The following NES variants were observed in gnomAD, a reference collection of about 807,000 sequenced individuals.
The protein encoded by NES is nestin.
Under a neutral mutation model 35.6 loss-of-function variants are expected in NES, and 27 were observed. The ratio of observed to expected loss-of-function variants is 0.76; its 90% CI spans 0.56 to 1.04. NES has a LOEUF of 1.04. NES is among the 50% of genes least tolerant of loss of function. The pLI, the probability that NES is intolerant of heterozygous loss-of-function variation, is 0.00. For synonymous variants in NES, 822 were observed against 824.2 expected (o/e 1.00, Z 0.04); for missense variants, 1,867 against 1,983.6 (o/e 0.94, Z 1.12).
In NES at chr1:156,670,138, C is replaced by T; in HGVS notation, c.4050G>A (p.Glu1350=). 1 of 1,614,070 alleles carries T rather than the reference C, an allele frequency of 6.2e-7. No individual in the cohort carries two copies. Residue 1350 remains glutamate, a synonymous_variant, in exon 4 of 4, where the codon GAG becomes GAA. Transcript: ENST00000368223. Reference sequence around the variant, plus strand: ...ACTCCTCTTCTCCCTCCTCCCCCTCCTCCTTTTCTGAGGGTGGGGCCTCAA... The same window carrying T: ...ACTCCTCTTCTCCCTCCTCCCCCTCTTCCTTTTCTGAGGGTGGGGCCTCAA... ...EGLEAPPSEK[E]EGEEGEEECG... is the part of the protein sequence containing the mutation.
At position 156,671,060 on chromosome 1, in the gene NES, C is replaced by T. The variant is rs1679717083; in HGVS notation, c.3128G>A (p.Gly1043Glu). The change falls in exon 4 of 4, where the codon GGG becomes GAG. Residue 1043 changes from glycine to glutamate, a missense_variant. Physicochemically the swap from Gly to Glu is moderately conservative, Grantham distance 98 (BLOSUM62 -2). Transcript: ENST00000368223. The stretch of plus-strand genomic sequence containing the variant: ...TGGGGCCCCCACCTGTTGTGATTGC[C>T]CTTCAGGGTCCTGGAGGCCCTCAGC... ...GGAEGLQDPEGQSQQVGAPGL... is the reference protein window; with the variant it reads ...GGAEGLQDPEEQSQQVGAPGL... 1 of 1,613,630 alleles carries T rather than the reference C, an allele frequency of 6.2e-7. No homozygotes were observed. The highest frequency in any genetic ancestry group is 8.5e-7 in the Non-Finnish European group (1 of 1,180,014).
chr1:156,669,461 C>T lies in NES; in HGVS notation c.4727G>A (p.Gly1576Glu). 1.9e-6 allele frequency: 3 copies of T among 1,613,604 alleles called. No homozygotes were observed. Among genetic ancestry groups the T allele is most frequent in the Non-Finnish European group, 2.5e-6 (3 of 1,179,750 alleles). ...CCCCTCCTCCTCCTGAAAGGGGCTC[C>T]CTCGGTCTCCCTCAGAGACTAGCGG... ...GMPLVSEGDR[G>E]SPFQEEEGSA... Residue 1576 changes from glycine (G) to glutamate (E), a missense_variant, in exon 4 of 4, where the codon GGG becomes GAG. Gly to Glu is a moderately conservative substitution (Grantham distance 98). Coordinates refer to ENST00000368223, the MANE Select transcript of NES (RefSeq NM_006617.2).
chr1:156,671,451 TTTCC>T lies in NES; in HGVS notation c.2733_2736del (p.Glu912ValfsTer20), dbSNP rs1436030325. 2 of 1,613,904 alleles carry T rather than the reference TTTCC, an allele frequency of 1.2e-6. No homozygotes were observed. Among genetic ancestry groups the T allele is most frequent in the Non-Finnish European group, 1.7e-6 (2 of 1,180,022 alleles). On this transcript the variant is annotated frameshift_variant, in exon 4 of 4. Coordinates refer to ENST00000368223, the MANE Select transcript of NES (RefSeq NM_006617.2). LOFTEE classifies it low-confidence loss of function (END_TRUNC). ...TCTTCCTCTTCCAGATTCCTTTGAC[TTTCC>T]TTGTCTACCTCCTCTGGAGATCTCA...
In NES at chr1:156,676,803, C is replaced by T; in HGVS notation, c.462G>A (p.Gln154=). 2 of 1,413,594 alleles carry T rather than the reference C, an allele frequency of 1.4e-6. No individual in the cohort carries two copies. Among genetic ancestry groups the T allele is most frequent in the South Asian group, 3.1e-5 (2 of 63,792 alleles). 87.6% of individuals were successfully genotyped at this position (1,413,594 alleles called of 1,614,324 possible). Residue 154 remains glutamine, a synonymous_variant, in exon 1 of 4, where the codon CAG becomes CAA. Coordinates refer to ENST00000368223, the MANE Select transcript of NES (RefSeq NM_006617.2). The surrounding 1 kb of genome is among the most constrained non-coding windows in gnomAD (Gnocchi z 5.3). The stretch of plus-strand genomic sequence containing the variant: ...CGGGGCAGCGGGGGGCACAGGCAGC[C>T]TGCGCGTTCAGGCCGACGCGCTCCT... ...HEEERVGLNA[Q]AACAPRCPAP...
chr1:156,673,163 C>T lies in NES; in HGVS notation c.1025G>A (p.Arg342Gln), dbSNP rs200295324. The change falls in exon 4 of 4, where the codon CGG becomes CAG. Residue 342 changes from arginine (R) to glutamine (Q), a missense_variant. Transcript: ENST00000368223. ...ELQFPRTPEG[R>Q]RLGSLLPVLS... ...GACTGGGAGCAAAGATCCAAGACGCCGGCCCTCTGGGGTCCTAGGGAATTG... is the reference window on the plus strand; with the variant it reads ...GACTGGGAGCAAAGATCCAAGACGCTGGCCCTCTGGGGTCCTAGGGAATTG... The T allele has an allele frequency of 3.4e-4, 529 of 1,535,942 alleles. 4 individuals carry two copies. The Admixed American group carries it at 7.6e-3, about 22-fold the overall frequency.
Position 156,677,274 on chromosome 1 carries a change from C to T in NES, c.-10G>A. The T allele has an allele frequency of 1.2e-6, 2 of 1,606,376 alleles. No individual in the cohort carries two copies. Among genetic ancestry groups the T allele is most frequent in the Non-Finnish European group, 1.7e-6 (2 of 1,177,892 alleles). On this transcript the variant is annotated 5_prime_UTR_variant, in exon 1 of 4. Coordinates refer to ENST00000368223, the MANE Select transcript of NES (RefSeq NM_006617.2). This position sits in a 1 kb window ranked among gnomAD's most constrained non-coding sequence, Gnocchi z 4.5. Reference sequence around the variant, plus strand: ...CCATGCAGCCCTCCATCCTGCTCGTCTGACCCACTGAGGATGGACAGACGC... The same window carrying T: ...CCATGCAGCCCTCCATCCTGCTCGTTTGACCCACTGAGGATGGACAGACGC...
intron 1 of NES, 77 bp from the exon 2 acceptor site, chr1:156,675,417 C>A (rs754997463): frequency 2.0e-6 from 3 of 1,494,564 alleles, no homozygotes; most frequent in East Asian, 2.4e-5. Context: ...TGCCCGCTGC[C>A]GCTGCCCGGG....
intron 2 of NES, among the ~76,000 whole-genome samples, chr1:156,674,987 C>T (rs762948934): frequency 7.2e-5 from 11 of 152,128 alleles, no homozygotes; most frequent in South Asian, 2.1e-4. Flanking sequence ...ATCATCTCTC[C>T]TGGGGGGATT....
chr1:156,676,741 A>C lies in NES; in HGVS notation c.524T>G (p.Val175Gly), dbSNP rs560562968. The C allele has an allele frequency of 7.3e-7, 1 of 1,366,622 alleles. No individual in the cohort carries two copies. The highest frequency in any genetic ancestry group is 9.3e-7 in the Non-Finnish European group (1 of 1,070,240). 84.7% of individuals were successfully genotyped at this position (1,366,622 alleles called of 1,614,324 possible). Residue 175 changes from valine to glycine, a missense_variant, in exon 1 of 4, where the codon GTA becomes GGA. By Grantham distance (109) the Val-to-Gly change is moderately radical. Transcript: ENST00000368223. This position sits in a 1 kb window ranked among gnomAD's most constrained non-coding sequence, Gnocchi z 5.3. The part of the protein sequence containing the change: ...PRGPPAPAPE[V>G]EELARRLGEA... ...GCCCAGTCGCCTTGCCAGCTCCTCTACCTCCGGGGCCGGCGCGGGAGGCCC... is the reference window on the plus strand; with the variant it reads ...GCCCAGTCGCCTTGCCAGCTCCTCTCCCTCCGGGGCCGGCGCGGGAGGCCC...
Position 156,671,319 on chromosome 1 carries a change from T to A in NES, c.2869A>T (p.Lys957Ter), listed in dbSNP as rs2102585381. 6.2e-7 allele frequency: 1 copy of A among 1,614,088 alleles called. No individual in the cohort carries two copies. Among genetic ancestry groups the A allele is most frequent in the Non-Finnish European group, 8.5e-7 (1 of 1,180,020 alleles). The change falls in exon 4 of 4, where the codon AAG becomes TAG. Residue 957 changes from lysine (K) to a stop codon, truncating the protein, a stop_gained. Coordinates refer to ENST00000368223, the MANE Select transcript of NES (RefSeq NM_006617.2). LOFTEE classifies it low-confidence loss of function (END_TRUNC). ...DVQRWEDTVE[K>*]DQELAQESPP... is the part of the protein sequence containing the mutation. Reference sequence around the variant, plus strand: ...CTTTCCTGAGCCAGTTCTTGGTCCTTCTCCACCGTATCTTCCCACCTCTGC... The same window carrying A: ...CTTTCCTGAGCCAGTTCTTGGTCCTACTCCACCGTATCTTCCCACCTCTGC...
Position 156,670,510 on chromosome 1 carries a change from G to T in NES, c.3678C>A (p.Thr1226=), listed in dbSNP as rs768688629. 6.3e-7 allele frequency: 1 copy of T among 1,598,540 alleles called. No individual in the cohort carries two copies. Among genetic ancestry groups the T allele is most frequent in the East Asian group, 2.2e-5 (1 of 44,602 alleles). ...GCCCAGGGGCATCTTCCAGGATCGG[G>T]GTGTACGTTGGGCTGGGGGAGACCA... The part of the protein sequence containing the change: ...PVLVSPSPTY[T]PILEDAPGPQ... The change falls in exon 4 of 4, where the codon ACC becomes ACA. Residue 1226 remains threonine (T), a synonymous_variant. Coordinates refer to ENST00000368223, the MANE Select transcript of NES (RefSeq NM_006617.2).
Position 156,671,152 on chromosome 1 carries a change from C to T in NES, c.3036G>A (p.Gly1012=), listed in dbSNP as rs747366809. Residue 1012 remains glycine, a synonymous_variant, in exon 4 of 4, where the codon GGG becomes GGA. Transcript: ENST00000368223. ...CTTTGGGCTCAGGGCTCTCTGGGTG[C>T]CCCTCGCCTGGGATCCAGACCTCCT... ...ATEEVWIPGE[G]HPESPEPKEQ... 1.2e-6 allele frequency: 2 copies of T among 1,614,060 alleles called. No homozygotes were observed. The highest frequency in any genetic ancestry group is 2.2e-5 in the South Asian group (2 of 91,074).
chr1:156,670,905 C>G lies in NES; in HGVS notation c.3283G>C (p.Ala1095Pro). The G allele has an allele frequency of 3.1e-6, 5 of 1,611,462 alleles. No individual in the cohort carries two copies. Among genetic ancestry groups the G allele is most frequent in the Non-Finnish European group, 4.2e-6 (5 of 1,178,806 alleles). Residue 1095 changes from alanine to proline, a missense_variant, in exon 4 of 4, where the codon GCG becomes CCG. Ala to Pro is a conservative substitution (Grantham distance 27, BLOSUM62 -1). Transcript: ENST00000368223. Reference sequence around the variant, plus strand: ...TGCCCCGGGCCTGGCTCAGCTCCCGCAGCAGACTCACCCATGGCAGGCTCT... The same window carrying G: ...TGCCCCGGGCCTGGCTCAGCTCCCGGAGCAGACTCACCCATGGCAGGCTCT... ...GSEPAMGESA[A>P]GAEPGPGQGV... is the part of the protein sequence containing the mutation.
chr1:156,677,138 G>C lies in NES; in HGVS notation c.127C>G (p.Leu43Val). 2 of 1,609,554 alleles carry C rather than the reference G, an allele frequency of 1.2e-6. No individual in the cohort carries two copies. The highest frequency in any genetic ancestry group is 2.2e-5 in the South Asian group (2 of 90,512). Reference sequence around the variant, plus strand: ...GAGGTGTCCGCGGATTGTGCCCGGAGCCCCCCGAGCTCCGCGCTGAGCAGC... The same window carrying C: ...GAGGTGTCCGCGGATTGTGCCCGGACCCCCCCGAGCTCCGCGCTGAGCAGC... ...NELLSAELGGLRAQSADTSWR... is the reference protein window; with the variant it reads ...NELLSAELGGVRAQSADTSWR... The change falls in exon 1 of 4, where the codon CTC (leucine) becomes GTC (valine). Residue 43 changes from leucine (L) to valine (V), a missense_variant. Coordinates refer to ENST00000368223, the MANE Select transcript of NES (RefSeq NM_006617.2). The surrounding 1 kb of genome is among the most constrained non-coding windows in gnomAD (Gnocchi z 4.5).
rs1413489719 is a variant in NES at position 156,676,758 on chromosome 1, G to A, written c.507C>T (p.Pro169=). Residue 169 remains proline (P), a synonymous_variant, in exon 1 of 4, where the codon CCC becomes CCT. Transcript: ENST00000368223. The surrounding 1 kb of genome is among the most constrained non-coding windows in gnomAD (Gnocchi z 5.3). ...PRCPAPPRGP[P]APAPEVEELA... ...GCTCCTCTACCTCCGGGGCCGGCGC[G>A]GGAGGCCCGCGGGGCGGCGCGGGGC... The A allele has an allele frequency of 5.9e-6, 8 of 1,357,422 alleles. No homozygotes were observed. The highest frequency in any genetic ancestry group is 7.5e-6 in the Non-Finnish European group (8 of 1,064,274). 84.1% of individuals were successfully genotyped at this position (1,357,422 alleles called of 1,614,324 possible). A position where few individuals can be genotyped will look rare whatever the true frequency, so the allele number is the denominator to read the frequency against.
rs763621269 is a variant in NES, at chr1:156,669,899, C to G, written c.4289G>C (p.Arg1430Thr). Residue 1430 changes from arginine to threonine, a missense_variant, in exon 4 of 4, where the codon AGG becomes ACG. Coordinates refer to ENST00000368223, the MANE Select transcript of NES (RefSeq NM_006617.2). ...CCCCCACCGCCCAGCCCCTGGCTCC[C>G]TCCCCTCCTCCTGATCCTCCTCTCC... Reference protein sequence around the residue: ...EEGEEDQEEGREPGAGRWGPG... With the variant: ...EEGEEDQEEGTEPGAGRWGPG... The G allele has an allele frequency of 2.7e-5, 44 of 1,613,600 alleles. No individual in the cohort carries two copies. The highest frequency in any genetic ancestry group is 3.5e-5 in the Non-Finnish European group (41 of 1,179,844).
chr1:156,671,305 C>A lies in NES; in HGVS notation c.2883G>T (p.Leu961=). 6.2e-7 allele frequency: 1 copy of A among 1,614,196 alleles called. No individual in the cohort carries two copies. The change falls in exon 4 of 4, where the codon CTG becomes CTT. Residue 961 remains leucine (L), a synonymous_variant. Transcript: ENST00000368223. ...CCATCCCAGGAGGGCTTTCCTGAGC[C>A]AGTTCTTGGTCCTTCTCCACCGTAT... ...WEDTVEKDQE[L]AQESPPGMAG...
rs1679758471 is a variant in NES, at chr1:156,672,545, G to A, written c.1643C>T (p.Ser548Phe). The stretch of plus-strand genomic sequence containing the variant: ...TGACTCTTGAATCTCCTCTCCCAGA[G>A]ACTTCAGGGTTTCTTTTTCCAAAGG... ...QVPLEKETLK[S>F]LGEEIQESLK... Residue 548 changes from serine to phenylalanine, a missense_variant, in exon 4 of 4, where the codon TCT becomes TTT. Ser to Phe is a radical substitution (Grantham distance 155). Transcript: ENST00000368223. The A allele has an allele frequency of 1.2e-6, 2 of 1,613,712 alleles. No individual in the cohort carries two copies. Among genetic ancestry groups the A allele is most frequent in the Non-Finnish European group, 1.7e-6 (2 of 1,179,996 alleles).
chr1:156,670,563 C>T lies in NES; in HGVS notation c.3625G>A (p.Glu1209Lys). Residue 1209 changes from glutamate (E) to lysine (K), a missense_variant, in exon 4 of 4, where the codon GAA becomes AAA. Transcript: ENST00000368223. ...ACTGGTGGTACATCCTCCTCAGCTT[C>T]CTCTGACCCCAGAGGCCAAGGTGAA... is the stretch of plus-strand genomic sequence containing the variant. ...APSPWPLGSE[E>K]AEEDVPPVLV... The T allele has an allele frequency of 3.1e-6, 5 of 1,612,574 alleles. No individual in the cohort carries two copies. The highest frequency in any genetic ancestry group is 4.2e-6 in the Non-Finnish European group (5 of 1,179,056).
Sources: gnomAD v4.1 joint callset for allele counts (sites outside exome capture counted in the v4.1 genomes callset) on GRCh38, gnomAD v4.1.1 for gene constraint, Gnocchi (gnomAD v3.1) non-coding constraint, MANE v1.5 for transcripts, NCBI Gene and HGNC (gene_info 2026-07-23, HGNC 2026-07-21) for gene names.